The following BCAP29 variants were observed in gnomAD, a reference collection of about 807,000 sequenced individuals.
The protein encoded by BCAP29 is B-cell receptor-associated protein 29.
Under a neutral mutation model 31.8 loss-of-function variants are expected in BCAP29, and 34 were observed. That is an observed-to-expected ratio of 1.07 (90% CI 0.81 to 1.42). BCAP29 has a LOEUF of 1.42. Ranked by LOEUF, BCAP29 falls within the 40% of genes most tolerant of loss-of-function variation. The pLI, the probability that BCAP29 is intolerant of heterozygous loss-of-function variation, is 0.00. For missense variants in BCAP29, 314 were observed against 269.2 expected (o/e 1.17, Z -1.16); for synonymous variants, 104 against 91.3 (o/e 1.14, Z -0.79).
intron 2 of BCAP29, among the ~76,000 whole-genome samples, chr7:107,582,950 C>T (rs933528931): frequency 6.6e-6 from 1 of 151,946 alleles, no homozygotes; most frequent in African/African-American, 2.4e-5. Flanking sequence ...GTATGAATCT[C>T]CCTCAACCCA....
chr7:107,618,484 A>C lies in BCAP29; in HGVS notation c.*121A>C, dbSNP rs1041495692. ...CGGTTCGTAATTTTTTTAATGCCAC[A>C]CATAGGTTGTATTGTAATGGCATTA... On this transcript the variant is annotated 3_prime_UTR_variant, in exon 8 of 8. Transcript: ENST00000005259. 6.2e-7 allele frequency: 1 copy of C among 1,612,872 alleles called. No homozygotes were observed. Among genetic ancestry groups the C allele is most frequent in the Admixed American group, 1.7e-5 (1 of 59,988 alleles).
chr7:107,615,993 A>G (rs2129293354), intron 7 of BCAP29: 1 of 152,398 alleles, frequency 6.6e-6, no homozygotes, highest in African/African-American at 2.4e-5. Context: ...TTTCTCCAGA[A>G]CCTCCATCAT....
At chr7:107,582,234 T>C (rs1454532745) in intron 2 of BCAP29, among the ~76,000 whole-genome samples, 3 of 152,252 alleles carry the variant, frequency 2.0e-5, no homozygotes, top group Non-Finnish European at 4.4e-5. Context: ...CTGTAACTTA[T>C]GGATCAATAT....
chr7:107,600,458 T>A lies in BCAP29; in HGVS notation c.542T>A (p.Val181Glu), dbSNP rs913597600. 1.5e-5 allele frequency: 24 copies of A among 1,611,184 alleles called. No individual in the cohort carries two copies. Among genetic ancestry groups the A allele is most frequent in the Non-Finnish European group, 1.9e-5 (22 of 1,178,304 alleles). The change falls in exon 6 of 8, where the codon GTA (valine) becomes GAA (glutamate). Residue 181 changes from valine (V) to glutamate (E), a missense_variant. Val to Glu is a moderately radical substitution (Grantham distance 121). Transcript: ENST00000005259. ...CVLEAENKKL[V>E]EDQEKLKTEL... The stretch of plus-strand genomic sequence containing the variant: ...TTGGAAGCAGAAAATAAAAAACTAG[T>A]AGAAGACCAGGAGAAACTGAAAACT...
At chr7:107,612,391 TTATATATATATATATATATATA>T (rs36213596) in intron 6 of BCAP29, among the ~76,000 whole-genome samples, 569 of 30,880 alleles carry the variant, frequency 0.018, 16 homozygotes, top group African/African-American at 0.028. Context: ...ATGTATTGTT[TTATATATATATATATATATATA>T]TATATATATA....
intron 3 of BCAP29, among the ~76,000 whole-genome samples, chr7:107,591,503 C>T (rs1156356590): frequency 6.6e-6 from 1 of 152,130 alleles, no homozygotes; most frequent in Non-Finnish European, 1.5e-5. Flanking sequence ...GATCTCCAGA[C>T]TGCCAGTCTA....
At position 107,583,887 on chromosome 7, in the gene BCAP29, A is replaced by G; in HGVS notation, c.98A>G (p.Gln33Arg). Residue 33 changes from glutamine to arginine, a missense_variant, in exon 3 of 8, where the codon CAG becomes CGG. Coordinates refer to ENST00000005259, the MANE Select transcript of BCAP29 (RefSeq NM_018844.4). Reference sequence around the variant, plus strand: ...ATAATTGTATTGCTTTACAGATGGCAGAAGATTTTTTCATTTAATGTCTGG... The same window carrying G: ...ATAATTGTATTGCTTTACAGATGGCGGAAGATTTTTTCATTTAATGTCTGG... ...CLPFIPPQRW[Q>R]KIFSFNVWGK... The G allele has an allele frequency of 6.4e-7, 1 of 1,550,486 alleles. No individual in the cohort carries two copies. The highest frequency in any genetic ancestry group is 2.3e-5 in the East Asian group (1 of 43,294).
chr7:107,602,120 T>C (rs1228837169), intron 6 of BCAP29, among the ~76,000 whole-genome samples: 1 of 152,208 alleles, frequency 6.6e-6, no homozygotes, highest in East Asian at 1.9e-4. Context: ...GATACCAGCT[T>C]CTGTGTTTGA....
At chr7:107,612,429 A>ATTTATTTATTTATT (rs1468350185) in intron 6 of BCAP29, among the ~76,000 whole-genome samples, 2 of 30,116 alleles carry the variant, frequency 6.6e-5, no homozygotes, top group African/African-American at 2.4e-4. Flanking sequence ...ATATATATAT[A>ATTTATTTATTTATT]TATATATATA....
intron 6 of BCAP29, among the ~76,000 whole-genome samples, chr7:107,611,089 G>A (rs1489709991): frequency 1.3e-5 from 2 of 152,092 alleles, no homozygotes; most frequent in East Asian, 3.9e-4. Flanking sequence ...ATAATGGAAA[G>A]GGAAAGGCAG....
rs916376032 is a variant in BCAP29 at position 107,580,654 on chromosome 7, A to G, written c.-14-105A>G. On this transcript the variant is annotated intron_variant, in intron 1 of 7. Transcript: ENST00000005259. ...CGTGCTTGCCTTCCCAGGTGGGGGA[A>G]GGTGGAACACTGTCCATCCCCTGGA... The G allele has an allele frequency of 5.5e-6, 4 of 721,048 alleles. No individual in the cohort carries two copies. The African/African-American group carries it at 7.6e-5, about 14-fold the overall frequency. 44.7% of individuals were successfully genotyped at this position (721,048 alleles called of 1,614,324 possible).
rs1483412848 is a variant in BCAP29 at position 107,620,317 on chromosome 7, T to C, written c.*1954T>C. 2 of 152,224 alleles carry C rather than the reference T, an allele frequency of 1.3e-5. No homozygotes were observed. Among genetic ancestry groups the C allele is most frequent in the African/African-American group, 2.4e-5 (1 of 41,462 alleles). 9.4% of individuals were successfully genotyped at this position (152,224 alleles called of 1,614,324 possible). ...GCTATAATTTGCTAAACATAAAATATTGCAGTGTATTAGCCGGCTGTGGCT... is the reference window on the plus strand; with the variant it reads ...GCTATAATTTGCTAAACATAAAATACTGCAGTGTATTAGCCGGCTGTGGCT... On this transcript the variant is annotated 3_prime_UTR_variant, in exon 8 of 8. Transcript: ENST00000005259.
intron 5 of BCAP29, among the ~76,000 whole-genome samples, chr7:107,598,133 G>A (rs1057511837): frequency 2.6e-5 from 4 of 152,138 alleles, no homozygotes; most frequent in African/African-American, 9.7e-5. Flanking sequence ...CCTTTTCCAA[G>A]TCAATGGCAT....
chr7:107,617,983 T>A (rs751983668), intron 7 of BCAP29, among the ~76,000 whole-genome samples: 1 of 152,174 alleles, frequency 6.6e-6, no homozygotes, highest in Non-Finnish European at 1.5e-5. Flanking sequence ...AAAGCCACCC[T>A]AGCTGAGGTT....
At chr7:107,604,664 TTTG>T (rs1294470890) in intron 6 of BCAP29, among the ~76,000 whole-genome samples, 63 of 148,500 alleles carry the variant, frequency 4.2e-4, no homozygotes, top group South Asian at 3.6e-3. Context: ...TTTTAGTCAT[TTTG>T]TTGTTGTTGT....
intron 6 of BCAP29, among the ~76,000 whole-genome samples, chr7:107,604,415 C>T (rs1206893336): frequency 6.6e-6 from 1 of 152,110 alleles, no homozygotes; most frequent in African/African-American, 2.4e-5. Flanking sequence ...ACCCTAAATT[C>T]CTGCCTCTTC....
chr7:107,589,717 C>T (rs935679687), intron 3 of BCAP29, among the ~76,000 whole-genome samples: 2 of 152,200 alleles, frequency 1.3e-5, no homozygotes, highest in African/African-American at 4.8e-5. Context: ...ACTAAACTCT[C>T]TTCACCAAGA....
intron 6 of BCAP29, 84 bp downstream of exon 6, chr7:107,600,589 C>T (rs1563135141): frequency 2.8e-6 from 2 of 713,216 alleles, no homozygotes; most frequent in East Asian, 5.2e-5. Context: ...TAAAACAAAA[C>T]TAATGCCTAA....
intron 5 of BCAP29, among the ~76,000 whole-genome samples, chr7:107,599,569 C>G (rs897011390): frequency 1.4e-5 from 2 of 148,134 alleles, no homozygotes; most frequent in Non-Finnish European, 3.0e-5. Context: ...TTTATTTAAT[C>G]TATTGACCCA....
Sources: gnomAD v4.1 joint callset for allele counts (sites outside exome capture counted in the v4.1 genomes callset) on GRCh38, gnomAD v4.1.1 for gene constraint, MANE v1.5 for transcripts, NCBI Gene and HGNC (gene_info 2026-07-23, HGNC 2026-07-21) for gene names.